SLC35F1: variants seen among roughly 807,000 people sequenced by gnomAD.
SLC35F1 encodes solute carrier family 35 member F1.
A neutral mutation model predicts 48.7 loss-of-function variants in SLC35F1; 14 were observed. That is an observed-to-expected ratio of 0.29 (90% CI 0.19 to 0.45). The LOEUF (loss-of-function observed/expected upper bound fraction) is 0.45, where lower values mean the gene tolerates loss of function less well. Ranked by LOEUF, SLC35F1 falls within the 20% of genes least tolerant of loss-of-function variation. The pLI, the probability that SLC35F1 is intolerant of heterozygous loss-of-function variation, is 1.00. For missense variants in SLC35F1, 404 were observed against 500.0 expected (o/e 0.81, Z 1.83); for synonymous variants, 190 against 202.2 (o/e 0.94, Z 0.51).
chr6:118,012,627 A>G (rs1164115677), intron 1 of SLC35F1, among the ~76,000 whole-genome samples: 1 of 152,184 alleles, frequency 6.6e-6, no homozygotes, highest in East Asian at 1.9e-4. Flanking sequence ...AATATGCTTC[A>G]CTTTATTTGC....
intron 1 of SLC35F1, among the ~76,000 whole-genome samples, chr6:117,991,634 G>C (rs979296380): frequency 2.0e-5 from 3 of 152,238 alleles, no homozygotes; most frequent in Admixed American, 2.0e-4. Flanking sequence ...TGAACAGCCT[G>C]CTGCATACGT....
At chr6:118,166,651 T>C (rs867410273) in intron 2 of SLC35F1, among the ~76,000 whole-genome samples, 23 of 152,354 alleles carry the variant, frequency 1.5e-4, no homozygotes, top group Middle Eastern at 3.4e-3. Flanking sequence ...GCATAGCTTA[T>C]GTAAGTGACA....
At chr6:117,938,614 G>C (rs1776189652) in intron 1 of SLC35F1, among the ~76,000 whole-genome samples, 1 of 152,206 alleles carries the variant, frequency 6.6e-6, no homozygotes, top group South Asian at 2.1e-4. Context: ...GCCTGCTCCT[G>C]ACAGCTTGGC....
intron 4 of SLC35F1, among the ~76,000 whole-genome samples, chr6:118,271,377 G>A (rs759804037): frequency 2.6e-5 from 4 of 152,076 alleles, no homozygotes; most frequent in Non-Finnish European, 5.9e-5. Flanking sequence ...ATGTAAAGAC[G>A]TTTTATCATA....
chr6:118,265,994 G>A (rs1223523090), intron 3 of SLC35F1, among the ~76,000 whole-genome samples: 2 of 152,200 alleles, frequency 1.3e-5, no homozygotes, highest in African/African-American at 4.8e-5. Flanking sequence ...GAGTGTGTTT[G>A]AAAGCAGAGT....
At chr6:118,152,344 G>A (rs1774073494) in intron 1 of SLC35F1, among the ~76,000 whole-genome samples, 1 of 152,208 alleles carries the variant, frequency 6.6e-6, no homozygotes. Flanking sequence ...TAGTGGGAAT[G>A]GAGGGAGAGC....
chr6:118,109,011 T>C (rs1031278866), intron 1 of SLC35F1, among the ~76,000 whole-genome samples: 1 of 152,166 alleles, frequency 6.6e-6, no homozygotes, highest in African/African-American at 2.4e-5. Flanking sequence ...TGGGAACACA[T>C]AGTGAAAGCT....
At chr6:118,158,142 C>T (rs1317854592) in intron 2 of SLC35F1, among the ~76,000 whole-genome samples, 1 of 152,180 alleles carries the variant, frequency 6.6e-6, no homozygotes, top group African/African-American at 2.4e-5. Context: ...ACCATTGCCT[C>T]AGATCCTCAC....
At chr6:117,966,138 C>CCCG (rs1554219374) in intron 1 of SLC35F1, among the ~76,000 whole-genome samples, 1 of 142,592 alleles carries the variant, frequency 7.0e-6, no homozygotes, top group African/African-American at 2.6e-5. Context: ...ACCGCCCCCC[C>CCCG]CCCCACTCCC....
intron 2 of SLC35F1, among the ~76,000 whole-genome samples, chr6:118,168,708 T>C (rs966627881): frequency 6.6e-6 from 1 of 152,196 alleles, no homozygotes; most frequent in South Asian, 2.1e-4. Flanking sequence ...GACCCCTCTA[T>C]GTAATGGCAA....
At chr6:118,052,265 C>T (rs765610469) in intron 1 of SLC35F1, among the ~76,000 whole-genome samples, 1 of 152,014 alleles carries the variant, frequency 6.6e-6, no homozygotes, top group Non-Finnish European at 1.5e-5. Flanking sequence ...TTTTTTCTTC[C>T]CCAGGTGTCG....
At chr6:118,184,340 C>T (rs982841634) in intron 2 of SLC35F1, among the ~76,000 whole-genome samples, 1 of 152,192 alleles carries the variant, frequency 6.6e-6, no homozygotes, top group African/African-American at 2.4e-5. Flanking sequence ...TCCCAGAAAT[C>T]CAGTCCAAGG....
intron 1 of SLC35F1, among the ~76,000 whole-genome samples, chr6:117,931,869 T>C (rs1776105579): frequency 6.6e-6 from 1 of 152,226 alleles, no homozygotes; most frequent in African/African-American, 2.4e-5. Flanking sequence ...CAGATCAAGG[T>C]GAGAAAATGC....
intron 1 of SLC35F1, among the ~76,000 whole-genome samples, chr6:118,032,988 T>C (rs1772076223): frequency 1.3e-5 from 2 of 152,180 alleles, no homozygotes; most frequent in Non-Finnish European, 2.9e-5. Flanking sequence ...GTGCCATTAA[T>C]CTTGCATCTT....
chr6:117,947,311 A>T (rs1053425451), intron 1 of SLC35F1, among the ~76,000 whole-genome samples: 6 of 152,190 alleles, frequency 3.9e-5, no homozygotes, highest in African/African-American at 1.4e-4. Flanking sequence ...GGAAGGCTGG[A>T]AAGTACTGGG....
At chr6:118,244,295 A>G (rs140589059) in intron 3 of SLC35F1, among the ~76,000 whole-genome samples, 1 of 152,378 alleles carries the variant, frequency 6.6e-6, no homozygotes, top group East Asian at 1.9e-4. Flanking sequence ...CCTAGGAAAG[A>G]ATTCAAGGGC....
At chr6:118,051,901 G>C (rs966973889) in intron 1 of SLC35F1, among the ~76,000 whole-genome samples, 1 of 152,176 alleles carries the variant, frequency 6.6e-6, no homozygotes, top group African/African-American at 2.4e-5. Context: ...AGAAGAACCA[G>C]AGTGGTGATC....
chr6:117,985,902 C>T (rs1776842393), intron 1 of SLC35F1, among the ~76,000 whole-genome samples: 2 of 152,100 alleles, frequency 1.3e-5, no homozygotes, highest in South Asian at 2.1e-4. Flanking sequence ...AAATGGGGAA[C>T]TTTATTGTAA....
intron 1 of SLC35F1, among the ~76,000 whole-genome samples, chr6:118,064,409 A>T (rs1421989475): frequency 6.6e-6 from 1 of 152,212 alleles, no homozygotes; most frequent in Non-Finnish European, 1.5e-5. Context: ...ATATCCTCAC[A>T]TAGGTAGTAG....
Sources: allele counts gnomAD v4.1 joint callset (sites outside exome capture counted in the v4.1 genomes callset), GRCh38; gene constraint gnomAD v4.1.1; transcripts MANE v1.5; gene names NCBI Gene and HGNC (gene_info 2026-07-23, HGNC 2026-07-21).